CYP2C19: variants seen among roughly 807,000 people sequenced by gnomAD.
CYP2C19 encodes the protein cytochrome P450 2C19.
A neutral mutation model predicts 40.9 loss-of-function variants in CYP2C19; 59 were observed. The observed-to-expected ratio is 1.44, with a 90% CI of 1.17 to 1.79. CYP2C19 has a LOEUF of 1.79. Ranked by LOEUF, CYP2C19 falls within the 40% of genes most tolerant of loss-of-function variation. The pLI, the probability that CYP2C19 is intolerant of heterozygous loss-of-function variation, is 0.00. For missense variants in CYP2C19, 754 were observed against 596.9 expected, an observed-to-expected ratio of 1.26 and a Z score of -2.74; for synonymous variants, 253 against 208.7, an observed-to-expected ratio of 1.21 and a Z score of -1.83.
At chr10:94,827,124 T>C (rs1849239742) in intron 6 of CYP2C19, among the ~76,000 whole-genome samples, 1 of 151,686 alleles carries the variant, frequency 6.6e-6, no homozygotes, top group African/African-American at 2.4e-5. Context: ...TAAAATTCTC[T>C]TTTTTGGTTG....
At chr10:94,844,738 C>T (rs1168832008) in intron 7 of CYP2C19, among the ~76,000 whole-genome samples, 1 of 152,176 alleles carries the variant, frequency 6.6e-6, no homozygotes, top group Non-Finnish European at 1.5e-5. Context: ...CTTCAATGCA[C>T]TCTGTTTTCA....
intron 6 of CYP2C19, among the ~76,000 whole-genome samples, chr10:94,832,463 C>T (rs1849349443): frequency 6.6e-6 from 1 of 152,150 alleles, no homozygotes; most frequent in East Asian, 1.9e-4. Flanking sequence ...CAATTATCCC[C>T]ACATGGCCTT....
chr10:94,803,348 A>G (rs1019437595), intron 5 of CYP2C19, among the ~76,000 whole-genome samples: 1 of 151,940 alleles, frequency 6.6e-6, no homozygotes, highest in African/African-American at 2.4e-5. Flanking sequence ...TTCTGTGGGT[A>G]GTTTTATATC....
At chr10:94,826,093 A>T (rs1315280720) in intron 6 of CYP2C19, among the ~76,000 whole-genome samples, 4 of 151,996 alleles carry the variant, frequency 2.6e-5, no homozygotes, top group Non-Finnish European at 4.4e-5. Flanking sequence ...AGGTAGTGTG[A>T]TGCCTCCAGC....
intron 5 of CYP2C19, among the ~76,000 whole-genome samples, chr10:94,805,360 T>A (rs554784894): frequency 5.9e-5 from 9 of 152,332 alleles, no homozygotes; most frequent in African/African-American, 2.2e-4. Context: ...TTGACTTTCT[T>A]GTTGAACCAC....
chr10:94,768,142 G>A (rs941322641), intron 1 of CYP2C19, among the ~76,000 whole-genome samples: 2 of 152,146 alleles, frequency 1.3e-5, no homozygotes, highest in African/African-American at 4.8e-5. Context: ...TGCAGCATGG[G>A]TATGTAGGAT....
chr10:94,794,149 C>A (rs1245796836), intron 5 of CYP2C19, among the ~76,000 whole-genome samples: 1 of 152,116 alleles, frequency 6.6e-6, no homozygotes, highest in African/African-American at 2.4e-5. Flanking sequence ...GGGCATGGGA[C>A]CCTCTGAGCC....
intron 5 of CYP2C19, among the ~76,000 whole-genome samples, chr10:94,794,536 A>T (rs951875489): frequency 6.6e-6 from 1 of 152,144 alleles, no homozygotes; most frequent in African/African-American, 2.4e-5. Flanking sequence ...ATCCAAGAGC[A>T]TGGAATATTT....
chr10:94,813,452 T>G (rs1848955872), intron 5 of CYP2C19, among the ~76,000 whole-genome samples: 1 of 151,970 alleles, frequency 6.6e-6, no homozygotes, highest in African/African-American at 2.4e-5. Context: ...ACTGGGACTG[T>G]TGCCTGTCTT....
At chr10:94,820,385 T>C in intron 5 of CYP2C19, 111 bp from the exon 6 acceptor site, 2 of 1,271,558 alleles carry the variant, frequency 1.6e-6, no homozygotes, top group Non-Finnish European at 2.2e-6. Flanking sequence ...TCTAGTACTA[T>C]ACTTTACAGT....
At chr10:94,772,060 C>A (rs570603480) in intron 1 of CYP2C19, among the ~76,000 whole-genome samples, 3 of 152,204 alleles carry the variant, frequency 2.0e-5, no homozygotes, top group African/African-American at 7.2e-5. Flanking sequence ...AGTATTGGGA[C>A]TTTACCTGTG....
chr10:94,820,667 T>C, intron 6 of CYP2C19, 30 bp downstream of exon 6: 2 of 1,613,656 alleles, frequency 1.2e-6, no homozygotes, highest in Admixed American at 1.7e-5. Flanking sequence ...GTTAATTGAG[T>C]TTTAGGAAAG....
intron 6 of CYP2C19, among the ~76,000 whole-genome samples, chr10:94,842,182 C>T (rs1011638724): frequency 2.6e-5 from 4 of 152,086 alleles, no homozygotes; most frequent in African/African-American, 7.2e-5. Context: ...TTTTTGGTTG[C>T]ATATATACTT....
intron 1 of CYP2C19, among the ~76,000 whole-genome samples, chr10:94,765,787 T>A (rs1848232582): frequency 6.6e-6 from 1 of 152,070 alleles, no homozygotes; most frequent in Non-Finnish European, 1.5e-5. Context: ...TGGATAGAGC[T>A]GTTTGAGTGA....
chr10:94,843,949 A>G (rs1490684752), intron 7 of CYP2C19, among the ~76,000 whole-genome samples: 1 of 152,210 alleles, frequency 6.6e-6, no homozygotes, highest in African/African-American at 2.4e-5. Context: ...GCCCTCACAT[A>G]TATATAGAAA....
At chr10:94,776,844 T>G (rs929456595) in intron 3 of CYP2C19, among the ~76,000 whole-genome samples, 4 of 152,034 alleles carry the variant, frequency 2.6e-5, no homozygotes, top group Non-Finnish European at 5.9e-5. Context: ...TGAAATAGGA[T>G]GAGAGGAAGT....
intron 5 of CYP2C19, among the ~76,000 whole-genome samples, chr10:94,799,365 G>C (rs899759645): frequency 6.6e-6 from 1 of 152,190 alleles, no homozygotes; most frequent in Non-Finnish European, 1.5e-5. Context: ...TTTCTGCTGA[G>C]AGAGGCACTG....
chr10:94,786,155 C>T (rs1462818141), intron 5 of CYP2C19, among the ~76,000 whole-genome samples: 1 of 151,994 alleles, frequency 6.6e-6, no homozygotes, highest in African/African-American at 2.4e-5. Flanking sequence ...TGTCCATGTC[C>T]TAAATTTTCC....
chr10:94,828,651 T>A (rs1034262533), intron 6 of CYP2C19, among the ~76,000 whole-genome samples: 2 of 150,498 alleles, frequency 1.3e-5, no homozygotes, highest in Admixed American at 1.3e-4. Context: ...TTGGAGCATT[T>A]AGTCCATTTA....
Sources: allele counts gnomAD v4.1 joint callset (sites outside exome capture counted in the v4.1 genomes callset), GRCh38; gene constraint gnomAD v4.1.1; transcripts MANE v1.5; gene names NCBI Gene and HGNC (gene_info 2026-07-23, HGNC 2026-07-21).